The following FRMPD1 variants were observed in gnomAD, a reference collection of about 807,000 sequenced individuals.
FRMPD1 encodes the protein FERM and PDZ domain-containing protein 1.
In FRMPD1, 76 loss-of-function variants were observed where a neutral mutation model predicts 117.8. The observed-to-expected ratio is 0.65, with a 90% confidence interval of 0.54 to 0.78. The LOEUF (loss-of-function observed/expected upper bound fraction) is 0.78, where lower values mean the gene tolerates loss of function less well. FRMPD1 is among the 30% of genes least tolerant of loss of function. The pLI is 0.00. For synonymous variants in FRMPD1, 783 were observed against 770.4 expected (o/e 1.02, Z -0.27); for missense variants, 1,786 against 1,964.5 (o/e 0.91, Z 1.72).
the FRMPD1 span, among the ~76,000 whole-genome samples, chr9:37,632,997 T>C: frequency 7.0e-6 from 1 of 142,788 alleles, no homozygotes; most frequent in African/African-American, 2.5e-5. Flanking sequence ...AATATATACA[T>C]ATATTTCTTT....
chr9:37,730,663 A>G (rs1823828967), intron 8 of FRMPD1, among the ~76,000 whole-genome samples: 1 of 152,250 alleles, frequency 6.6e-6, no homozygotes, highest in East Asian at 1.9e-4. Context: ...ATAAAAGAAT[A>G]GACTTATACT....
intron 5 of FRMPD1, among the ~76,000 whole-genome samples, chr9:37,718,680 C>G (rs1456967019): frequency 6.6e-6 from 1 of 152,188 alleles, no homozygotes; most frequent in African/African-American, 2.4e-5. Flanking sequence ...CAAAGTCACA[C>G]AGTTATTTTG....
the FRMPD1 span, among the ~76,000 whole-genome samples, chr9:37,627,192 C>A: frequency 6.6e-6 from 1 of 152,174 alleles, no homozygotes; most frequent in African/African-American, 2.4e-5. Context: ...TAGCCCCTTA[C>A]CTCAATTTCC....
At chr9:37,725,109 C>T (rs1040753391) in intron 7 of FRMPD1, among the ~76,000 whole-genome samples, 1 of 152,192 alleles carries the variant, frequency 6.6e-6, no homozygotes, top group Non-Finnish European at 1.5e-5. Context: ...CAGGAAATAG[C>T]AAACCATCCA....
intron 2 of FRMPD1, among the ~76,000 whole-genome samples, chr9:37,706,875 C>T (rs1404188556): frequency 1.3e-5 from 2 of 152,190 alleles, no homozygotes; most frequent in Non-Finnish European, 2.9e-5. Flanking sequence ...CTCTCCTGTA[C>T]CTCTGACTCC....
intron 1 of FRMPD1, among the ~76,000 whole-genome samples, chr9:37,662,339 G>C (rs62534454): frequency 1.3e-5 from 2 of 152,144 alleles, no homozygotes; most frequent in African/African-American, 4.8e-5. Flanking sequence ...CCATATTGGG[G>C]ATCACAGTTT....
chr9:37,627,902 C>T, the FRMPD1 span, among the ~76,000 whole-genome samples: 1 of 152,232 alleles, frequency 6.6e-6, no homozygotes, highest in South Asian at 2.1e-4. Flanking sequence ...ATCAGCAGGG[C>T]CCACCCAGGT....
intron 7 of FRMPD1, among the ~76,000 whole-genome samples, chr9:37,729,353 A>G (rs958251031): frequency 7.6e-6 from 1 of 131,592 alleles, no homozygotes; most frequent in African/African-American, 2.8e-5. Flanking sequence ...ACTGCACTCC[A>G]GCCTGGGTGA....
the FRMPD1 span, among the ~76,000 whole-genome samples, chr9:37,629,005 C>T: frequency 2.0e-4 from 30 of 152,324 alleles, no homozygotes; most frequent in African/African-American, 6.3e-4. Flanking sequence ...TCAAGACCAG[C>T]CTGGCCAATA....
intron 1 of FRMPD1, among the ~76,000 whole-genome samples, chr9:37,689,787 C>T (rs914590042): frequency 3.3e-5 from 5 of 152,148 alleles, no homozygotes; most frequent in African/African-American, 1.2e-4. Context: ...GATAGGGTAT[C>T]GAATTCTAGA....
chr9:37,630,923 G>A, the FRMPD1 span, among the ~76,000 whole-genome samples: 9 of 152,252 alleles, frequency 5.9e-5, no homozygotes, highest in South Asian at 2.1e-4. Flanking sequence ...GGACAGTGTC[G>A]TGCATAGAAA....
intron 1 of FRMPD1, among the ~76,000 whole-genome samples, chr9:37,658,798 G>C (rs373287949): frequency 2.0e-5 from 3 of 152,246 alleles, no homozygotes; most frequent in African/African-American, 7.2e-5. Context: ...TTTAATTATA[G>C]GTGTAAAAAT....
chr9:37,726,157 G>A (rs77586250), intron 7 of FRMPD1, among the ~76,000 whole-genome samples: 1,950 of 152,182 alleles, frequency 0.013, 40 homozygotes, highest in African/African-American at 0.044. Context: ...TTAAAGCAAA[G>A]TCTTTAGCTG....
At chr9:37,641,096 C>T in the FRMPD1 span, among the ~76,000 whole-genome samples, 1 of 152,202 alleles carries the variant, frequency 6.6e-6, no homozygotes, top group Non-Finnish European at 1.5e-5. Context: ...CCATGTTACC[C>T]AGGCTGGTCC....
chr9:37,685,568 CG>C (rs1487315132), intron 1 of FRMPD1, among the ~76,000 whole-genome samples: 1 of 151,914 alleles, frequency 6.6e-6, no homozygotes, highest in African/African-American at 2.4e-5. Flanking sequence ...AGGAGAATGG[CG>C]TGAACCCATG....
At chr9:37,637,428 G>A in the FRMPD1 span, 1 of 633,974 alleles carries the variant, frequency 1.6e-6, no homozygotes, top group Non-Finnish European at 2.8e-6. Flanking sequence ...ACCCTTTTTA[G>A]TATACAGTTC....
At chr9:37,651,409 A>C (rs1820671456) in intron 1 of FRMPD1, among the ~76,000 whole-genome samples, 1 of 152,204 alleles carries the variant, frequency 6.6e-6, no homozygotes, top group Non-Finnish European at 1.5e-5. Context: ...GGCCGCGGCC[A>C]GCGCCAACTT....
the FRMPD1 span, among the ~76,000 whole-genome samples, chr9:37,645,554 T>G: frequency 6.6e-6 from 1 of 152,198 alleles, no homozygotes; most frequent in African/African-American, 2.4e-5. Flanking sequence ...AGAACGACTA[T>G]GATAAACAGT....
chr9:37,651,636 G>A (rs995998652), intron 1 of FRMPD1, among the ~76,000 whole-genome samples: 2 of 152,266 alleles, frequency 1.3e-5, no homozygotes, highest in Admixed American at 6.5e-5. Context: ...CTAACTTGCA[G>A]CAGCTTTGAC....
Sources: allele counts gnomAD v4.1 joint callset (sites outside exome capture counted in the v4.1 genomes callset), GRCh38; gene constraint gnomAD v4.1.1; transcripts MANE v1.5; gene names NCBI Gene and HGNC (gene_info 2026-07-23, HGNC 2026-07-21).